The following NOL6 variants were observed in gnomAD, a reference collection of about 807,000 sequenced individuals.
NOL6 encodes the protein nucleolar RNA-associated protein.
NOL6 carries 33 observed loss-of-function variants against 131.7 expected under a neutral mutation model. The observed-to-expected ratio is 0.25, with a 90% CI of 0.19 to 0.33. The LOEUF (loss-of-function observed/expected upper bound fraction) is 0.33. NOL6 is among the 10% of genes least tolerant of loss of function. The pLI is 1.00. For missense variants in NOL6, 1,297 were observed against 1,494.5 expected, an observed-to-expected ratio of 0.87 and a Z score of 2.18; for synonymous variants, 580 against 605.7, an observed-to-expected ratio of 0.96 and a Z score of 0.62.
intron 9 of NOL6, 41 bp from the exon 10 acceptor site, chr9:33,468,463 T>A (rs1420097221): frequency 4.3e-6 from 7 of 1,613,342 alleles, no homozygotes; most frequent in Non-Finnish European, 5.9e-6. Context: ...ATTGGCACCT[T>A]ACTTGCAGGC....
intron 4 of NOL6, 119 bp from the exon 5 acceptor site, chr9:33,469,786 C>T (rs1179384832): frequency 1.9e-5 from 24 of 1,264,290 alleles, no homozygotes; most frequent in East Asian, 1.4e-4. Context: ...GCCTGAGCCA[C>T]GGTTAGCAAC....
In NOL6 at chr9:33,466,558, T is replaced by C. The variant is rs1429527108; in HGVS notation, c.2091+11A>G. The C allele has an allele frequency of 5.6e-6, 9 of 1,613,952 alleles. No individual in the cohort carries two copies. The highest frequency in any genetic ancestry group is 6.8e-6 in the Non-Finnish European group (8 of 1,179,918). The stretch of plus-strand genomic sequence containing the variant: ...CTAAGCAGAAAGGTCACCTGCACCG[T>C]TGCACCTCACCTCTGTGTAGCGCAG... On this transcript the variant is annotated intron_variant, in intron 16 of 25. Coordinates refer to ENST00000297990, the MANE Select transcript of NOL6 (RefSeq NM_022917.5).
chr9:33,466,040 C>T, intron 18 of NOL6, 31 bp downstream of exon 18: 7 of 1,564,398 alleles, frequency 4.5e-6, no homozygotes, highest in East Asian at 2.3e-5. Context: ...CCCCCCTTCC[C>T]TGGGGACATA....
chr9:33,470,272 C>T (rs1186883920), intron 3 of NOL6, 81 bp from the exon 4 acceptor site: 2 of 1,234,468 alleles, frequency 1.6e-6, no homozygotes, highest in East Asian at 2.8e-5. Flanking sequence ...GACATTTTAA[C>T]ACATCGATAT....
At position 33,472,112 on chromosome 9, in the gene NOL6, C is replaced by G; in HGVS notation, c.270G>C (p.Glu90Asp). 1 of 1,614,120 alleles carries G rather than the reference C, an allele frequency of 6.2e-7. No individual in the cohort carries two copies. Among genetic ancestry groups the G allele is most frequent in the East Asian group, 2.2e-5 (1 of 44,888 alleles). The change falls in exon 3 of 26, where the codon GAG becomes GAC. Residue 90 changes from glutamate (E) to aspartate (D), a missense_variant. Physicochemically the swap from Glu to Asp is conservative, Grantham distance 45. Transcript: ENST00000297990. ...CTGACAGCCTTACTTCCTTTAGTAG[C>G]TCCTCTACCTGTAAGAGAGGGTAGA... is the stretch of plus-strand genomic sequence containing the variant. Reference protein sequence around the residue: ...HSSLLRLQVEELLKEVRLSEK... With the variant: ...HSSLLRLQVEDLLKEVRLSEK...
Position 33,466,107 on chromosome 9 carries a change from C to T in NOL6, c.2328G>A (p.Gln776=). 1 of 1,610,180 alleles carries T rather than the reference C, an allele frequency of 6.2e-7. No individual in the cohort carries two copies. The highest frequency in any genetic ancestry group is 1.3e-5 in the African/African-American group (1 of 75,004). The change falls in exon 18 of 26, where the codon CAG becomes CAA. Residue 776 remains glutamine (Q), a synonymous_variant. Coordinates refer to ENST00000297990, the MANE Select transcript of NOL6 (RefSeq NM_022917.5). The part of the protein sequence containing the change: ...AELLTQQHGL[Q]CRATATHTDV... Reference sequence around the variant, plus strand: ...CCGTGTGCGTGGCAGTGGCACGGCACTGCAGACCATGCTGTTGTGTCAACA... The same window carrying T: ...CCGTGTGCGTGGCAGTGGCACGGCATTGCAGACCATGCTGTTGTGTCAACA...
intron 3 of NOL6, chr9:33,470,421 G>A (rs992629795): frequency 6.4e-6 from 2 of 313,558 alleles, no homozygotes; most frequent in Admixed American, 1.0e-4. Flanking sequence ...AGCCGGGCGT[G>A]GTGGCTCACG....
intron 15 of NOL6, 43 bp from the exon 16 acceptor site, chr9:33,466,752 G>A (rs754789220): frequency 3.7e-5 from 59 of 1,605,862 alleles, no homozygotes; most frequent in Non-Finnish European, 4.9e-5. Flanking sequence ...CCTACAGAAG[G>A]CCAGCTTCAC....
At position 33,464,912 on chromosome 9, in the gene NOL6, G is replaced by A; in HGVS notation, c.2746C>T (p.Pro916Ser). The change falls in exon 21 of 26, where the codon CCC (proline) becomes TCC (serine). Residue 916 changes from proline to serine, a missense_variant. Coordinates refer to ENST00000297990, the MANE Select transcript of NOL6 (RefSeq NM_022917.5). ...LVSTFDWKNNPLFVNLNNELT... is the reference protein window; with the variant it reads ...LVSTFDWKNNSLFVNLNNELT... ...TCATTATTGAGGTTGACAAAGAGGG[G>A]GTTGTTCTTCCAATCAAACGTTGAT... 15 of 1,613,960 alleles carry A rather than the reference G, an allele frequency of 9.3e-6. No individual in the cohort carries two copies. Among genetic ancestry groups the A allele is most frequent in the Non-Finnish European group, 1.3e-5 (15 of 1,179,924 alleles).
rs1321739994 is a variant in NOL6 at position 33,462,023 on chromosome 9, CT to C, written c.*640del. 4 of 664,244 alleles carry C rather than the reference CT, an allele frequency of 6.0e-6. No homozygotes were observed. The African/African-American group carries it at 7.1e-5, about 12-fold the overall frequency. The allele number at this position is 664,244 out of a possible 1,614,324, so 41.1% of individuals were successfully genotyped here. ...CCAAGATTGGGTGACTACCAGTCCC[CT>C]GACCCCTTCACCTACCCAATCCTTT... On this transcript the variant is annotated 3_prime_UTR_variant, in exon 26 of 26. Coordinates refer to ENST00000297990, the MANE Select transcript of NOL6 (RefSeq NM_022917.5).
At position 33,467,627 on chromosome 9, in the gene NOL6, TGTC is replaced by T; in HGVS notation, c.1602+61_1602+63del. Reference sequence around the variant, plus strand: ...AGCTGGAGGAATGGTGTGTCCTTTGTGTCTCTTGGGACCCTGGATCCAGCCCAA... The same window carrying T: ...AGCTGGAGGAATGGTGTGTCCTTTGTTCTTGGGACCCTGGATCCAGCCCAA... On this transcript the variant is annotated intron_variant, in intron 12 of 25. Coordinates refer to ENST00000297990, the MANE Select transcript of NOL6 (RefSeq NM_022917.5). This position sits in a 1 kb window ranked among gnomAD's most constrained non-coding sequence, Gnocchi z 4.4. 3 of 1,558,312 alleles carry T rather than the reference TGTC, an allele frequency of 1.9e-6. No individual in the cohort carries two copies. Among genetic ancestry groups the T allele is most frequent in the Non-Finnish European group, 2.6e-6 (3 of 1,150,576 alleles).
In NOL6 at chr9:33,467,343, A is replaced by G. The variant is rs1426837370; in HGVS notation, c.1725+51T>C. The G allele has an allele frequency of 6.2e-7, 1 of 1,610,204 alleles. No homozygotes were observed. Among genetic ancestry groups the G allele is most frequent in the Non-Finnish European group, 8.5e-7 (1 of 1,176,902 alleles). On this transcript the variant is annotated intron_variant, in intron 13 of 25. Coordinates refer to ENST00000297990, the MANE Select transcript of NOL6 (RefSeq NM_022917.5). The surrounding 1 kb of genome is among the most constrained non-coding windows in gnomAD (Gnocchi z 4.4). ...CCCAACAAGCTTCAGTCCAGGTGCC[A>G]TGAGGACGAGCCACCCCATTCCTTC... is the stretch of plus-strand genomic sequence containing the variant.
At chr9:33,471,126 A>T (rs931113709) in intron 3 of NOL6, among the ~76,000 whole-genome samples, 2 of 152,144 alleles carry the variant, frequency 1.3e-5, no homozygotes, top group Non-Finnish European at 2.9e-5. Context: ...TACCAAAAAA[A>T]TTAGCCGGGT....
At chr9:33,465,100 G>A (rs1374790444) in intron 20 of NOL6, 107 bp downstream of exon 20, 1 of 1,471,966 alleles carries the variant, frequency 6.8e-7, no homozygotes, top group Non-Finnish European at 9.2e-7. Context: ...AACCCCTTCT[G>A]CCACTTGCTC....
intron 3 of NOL6, 175 bp from the exon 4 acceptor site, chr9:33,470,366 C>A: frequency 2.1e-6 from 1 of 483,038 alleles, no homozygotes; most frequent in Admixed American, 4.1e-5. Flanking sequence ...GCCAAAACCA[C>A]TTAAATCACC....
Position 33,467,201 on chromosome 9 carries a change from G to C in NOL6, c.1787C>G (p.Ala596Gly), listed in dbSNP as rs1254166378. 11 of 1,614,176 alleles carry C rather than the reference G, an allele frequency of 6.8e-6. No homozygotes were observed. The highest frequency in any genetic ancestry group is 9.3e-6 in the Non-Finnish European group (11 of 1,180,034). ...RSELRRFQDG[A>G]IREAVVWEAA... is the part of the protein sequence containing the mutation. ...CTCCCAGACCACAGCTTCCCGAATG[G>C]CTCCGTCCTGGAAACGCCGAAGCTC... The change falls in exon 14 of 26, where the codon GCC becomes GGC. Residue 596 changes from alanine (A) to glycine (G), a missense_variant. Transcript: ENST00000297990. The surrounding 1 kb of genome is among the most constrained non-coding windows in gnomAD (Gnocchi z 4.4).
chr9:33,472,277 G>T lies in NOL6; in HGVS notation c.190C>A (p.Pro64Thr). 6.2e-7 allele frequency: 1 copy of T among 1,614,210 alleles called. No individual in the cohort carries two copies. Among genetic ancestry groups the T allele is most frequent in the Non-Finnish European group, 8.5e-7 (1 of 1,180,040 alleles). Residue 64 changes from proline to threonine, a missense_variant, in exon 2 of 26, where the codon CCT (proline) becomes ACT (threonine). Pro to Thr is a conservative substitution (Grantham distance 38). Coordinates refer to ENST00000297990, the MANE Select transcript of NOL6 (RefSeq NM_022917.5). The stretch of plus-strand genomic sequence containing the variant: ...AGGCGATTAAGCTCCTCATTGGTAG[G>T]CTCCTTGTACAGTTCTGCCCTGCTG... The part of the protein sequence containing the change: ...KLSRAELYKE[P>T]TNEELNRLRE...
intron 23 of NOL6, 43 bp from the exon 24 acceptor site, chr9:33,463,484 T>C (rs960280570): frequency 1.9e-6 from 3 of 1,546,444 alleles, no homozygotes; most frequent in Non-Finnish European, 2.6e-6. Context: ...CCCCCTTGAC[T>C]GAGGAACTGG....
chr9:33,467,403 G>T lies in NOL6; in HGVS notation c.1716C>A (p.Asp572Glu). The T allele has an allele frequency of 6.2e-7, 1 of 1,614,148 alleles. No homozygotes were observed. Among genetic ancestry groups the T allele is most frequent in the African/African-American group, 1.3e-5 (1 of 75,048 alleles). The change falls in exon 13 of 26, where the codon GAC becomes GAA. Residue 572 changes from aspartate (D) to glutamate (E), a missense_variant. Asp to Glu is a conservative substitution (Grantham distance 45, BLOSUM62 2). Coordinates refer to ENST00000297990, the MANE Select transcript of NOL6 (RefSeq NM_022917.5). The surrounding 1 kb of genome is among the most constrained non-coding windows in gnomAD (Gnocchi z 4.4). The stretch of plus-strand genomic sequence containing the variant: ...TGCTGGGGTCCCCCACCTCAGGCTG[G>T]TCTGCCTCTGGACCCAGCTCAAGGA... The part of the protein sequence containing the change: ...TSVLELGPEA[D>E]QPEAAKFRQF...
Sources: allele counts gnomAD v4.1 joint callset (sites outside exome capture counted in the v4.1 genomes callset), GRCh38; gene constraint gnomAD v4.1.1; non-coding constraint Gnocchi (gnomAD v3.1); transcripts MANE v1.5; gene names NCBI Gene and HGNC (gene_info 2026-07-23, HGNC 2026-07-21).